Variants in ABLIM2 observed in about 807,000 individuals in gnomAD.
The protein encoded by ABLIM2 is actin-binding LIM protein 2.
A neutral mutation model predicts 97.7 loss-of-function variants in ABLIM2; 53 were observed. The observed-to-expected ratio is 0.54, with a 90% confidence interval of 0.44 to 0.68. The LOEUF is 0.68. ABLIM2 is among the 30% of genes least tolerant of loss of function. The pLI is 0.00. For missense variants in ABLIM2, 835 were observed against 867.2 expected (o/e 0.96, Z 0.47); for synonymous variants, 361 against 345.8 (o/e 1.04, Z -0.49).
At position 8,061,096 on chromosome 4, in the gene ABLIM2, G is replaced by A; in HGVS notation, c.676-42C>T. On this transcript the variant is annotated intron_variant, in intron 6 of 20. Transcript: ENST00000447017. This position sits in a 1 kb window ranked among gnomAD's most constrained non-coding sequence, Gnocchi z 4.5. ...AAGCAGAATGTTTCTACTAAAGCCA[G>A]AAAGGTCGGCTGGGTCCCAGCGCCC... The A allele has an allele frequency of 6.5e-7, 1 of 1,542,254 alleles. No homozygotes were observed. The highest frequency in any genetic ancestry group is 8.8e-7 in the Non-Finnish European group (1 of 1,138,242).
chr4:7,969,477 C>T (rs1725790298), intron 20 of ABLIM2, among the ~76,000 whole-genome samples: 1 of 152,036 alleles, frequency 6.6e-6, no homozygotes, highest in South Asian at 2.1e-4. Flanking sequence ...AAACAAAAAA[C>T]TCAAGTGCTA....
intron 17 of ABLIM2, among the ~76,000 whole-genome samples, chr4:7,990,269 T>A (rs1184050440): frequency 6.6e-6 from 1 of 152,156 alleles, no homozygotes; most frequent in Non-Finnish European, 1.5e-5. Context: ...GCATAATAGC[T>A]CACTGCAACC....
At chr4:8,098,177 C>G (rs1329986243) in intron 2 of ABLIM2, among the ~76,000 whole-genome samples, 2 of 152,170 alleles carry the variant, frequency 1.3e-5, no homozygotes, top group African/African-American at 4.8e-5. Flanking sequence ...GGCCCAGGCC[C>G]TCCCTGCTAG....
At chr4:8,136,907 T>C (rs530907834) in intron 1 of ABLIM2, among the ~76,000 whole-genome samples, 6 of 152,250 alleles carry the variant, frequency 3.9e-5, no homozygotes, top group South Asian at 4.1e-4. Context: ...CCCTCCAAAT[T>C]TGTGTGAGAA....
In ABLIM2 at chr4:8,120,908, G is replaced by A. The variant is rs998521112; in HGVS notation, c.11-14271C>T. 6.6e-6 allele frequency among the ~76,000 whole-genome samples: 1 copy of A among 152,232 alleles called. No individual in the cohort carries two copies. The highest frequency in any genetic ancestry group is 2.4e-5 in the African/African-American group (1 of 41,460). Reference sequence around the variant, plus strand: ...ACAATGTTGACCGTCTCACGTAAGAGTACTGTACCGCAGATTGCTAGCTCA... The same window carrying A: ...ACAATGTTGACCGTCTCACGTAAGAATACTGTACCGCAGATTGCTAGCTCA... On this transcript the variant is annotated intron_variant, in intron 1 of 20. Coordinates refer to ENST00000447017, the MANE Select transcript of ABLIM2 (RefSeq NM_001130083.2). The surrounding 1 kb of genome is among the most constrained non-coding windows in gnomAD (Gnocchi z 5.6).
intron 17 of ABLIM2, chr4:7,989,571 T>A (rs1420803004): frequency 4.7e-5 from 17 of 358,444 alleles, no homozygotes; most frequent in Non-Finnish European, 6.2e-5. Context: ...CCTTTTAATC[T>A]TAACTTTCAC....
chr4:8,033,442 G>A lies in ABLIM2; in HGVS notation c.1047+2707C>T, dbSNP rs1423526076. On this transcript the variant is annotated intron_variant, in intron 10 of 20. Coordinates refer to ENST00000447017, the MANE Select transcript of ABLIM2 (RefSeq NM_001130083.2). This position sits in a 1 kb window ranked among gnomAD's most constrained non-coding sequence, Gnocchi z 4.5. ...AGCTGAAGGCCATGGGTGGAATGAT[G>A]GAATCAAGGGAGAAACCCTCAGGCT... Among the ~76,000 whole-genome samples the A allele has an allele frequency of 6.6e-6, 1 of 152,216 alleles. No homozygotes were observed. The highest frequency in any genetic ancestry group is 6.5e-5 in the Admixed American group (1 of 15,288).
chr4:7,969,444 G>A (rs1472773104), intron 20 of ABLIM2, among the ~76,000 whole-genome samples: 1 of 152,112 alleles, frequency 6.6e-6, no homozygotes, highest in East Asian at 1.9e-4. Context: ...GACACAGTGA[G>A]ACCCTGTCTC....
chr4:8,056,112 CAAAAAAAAAA>C lies in ABLIM2; in HGVS notation c.764-1876_764-1867del, dbSNP rs60992903. ...TGGGTAACAGAGCAAGACTCTGTCTCAAAAAAAAAAAAAAAAAAAAAAAAAAAGTAACAGA... is the reference window on the plus strand; with the variant it reads ...TGGGTAACAGAGCAAGACTCTGTCTCAAAAAAAAAAAAAAAAAGTAACAGA... On this transcript the variant is annotated intron_variant, in intron 7 of 20. Transcript: ENST00000447017. Among the ~76,000 whole-genome samples the C allele has an allele frequency of 1.4e-3, 95 of 68,358 alleles. 1 individual carries two copies. The highest frequency in any genetic ancestry group is 8.8e-3 in the South Asian group (19 of 2,154). The allele number at this position is 68,358 out of a possible 152,430, so 44.8% of individuals were successfully genotyped here. A position where few individuals can be genotyped will look rare whatever the true frequency, so the allele number is the denominator to read the frequency against.
Position 8,044,691 on chromosome 4 carries a change from CGA to C in ABLIM2, c.900+471_900+472del, listed in dbSNP as rs113950245. 0.019 allele frequency among the ~76,000 whole-genome samples: 1,363 copies of C among 72,698 alleles called. 3 individuals are homozygous for C. The highest frequency in any genetic ancestry group is 0.033 in the African/African-American group (601 of 18,414). The allele number at this position is 72,698 out of a possible 152,430, so 47.7% of individuals were successfully genotyped here. A position where few individuals can be genotyped will look rare whatever the true frequency, so the allele number is the denominator to read the frequency against. On this transcript the variant is annotated intron_variant, in intron 9 of 20. Coordinates refer to ENST00000447017, the MANE Select transcript of ABLIM2 (RefSeq NM_001130083.2). This position sits in a 1 kb window ranked among gnomAD's most constrained non-coding sequence, Gnocchi z 4.4. ...AGAGTCTCTCTCTCTCTCTCTCTCT[CGA>C]ACGAACGAAAACGGGATCACATAAT...
rs547687095 is a variant in ABLIM2, at chr4:7,999,849, C to T, written c.1619-6922G>A. ...CATGAAGCCTGCCATAGCCACCTTG[C>T]CCTCAGCACCCCGCCAGGCCTGCTC... On this transcript the variant is annotated intron_variant, in intron 16 of 20. Coordinates refer to ENST00000447017, the MANE Select transcript of ABLIM2 (RefSeq NM_001130083.2). The surrounding 1 kb of genome is among the most constrained non-coding windows in gnomAD (Gnocchi z 4.4). Among the ~76,000 whole-genome samples the T allele has an allele frequency of 6.6e-6, 1 of 152,322 alleles. No homozygotes were observed. Among genetic ancestry groups the T allele is most frequent in the South Asian group, 2.1e-4 (1 of 4,832 alleles).
intron 4 of ABLIM2, among the ~76,000 whole-genome samples, chr4:8,081,327 C>A (rs1305071622): frequency 6.6e-6 from 1 of 152,222 alleles, no homozygotes; most frequent in Non-Finnish European, 1.5e-5. Flanking sequence ...CTCGTGGGAC[C>A]CTGCCTGGCC....
At chr4:8,089,765 C>T (rs1197278724) in intron 3 of ABLIM2, among the ~76,000 whole-genome samples, 2 of 143,740 alleles carry the variant, frequency 1.4e-5, no homozygotes, top group Non-Finnish European at 3.0e-5. Flanking sequence ...AGCCCCTGCT[C>T]AAACACCTTT....
chr4:8,025,359 C>T (rs573895739), intron 12 of ABLIM2, among the ~76,000 whole-genome samples: 19 of 151,986 alleles, frequency 1.3e-4, no homozygotes, highest in African/African-American at 4.1e-4. Context: ...CTCCTGGCCC[C>T]GGGAGATGCC....
At chr4:8,133,725 T>A (rs1849767354) in intron 1 of ABLIM2, among the ~76,000 whole-genome samples, 2 of 152,166 alleles carry the variant, frequency 1.3e-5, no homozygotes, top group African/African-American at 4.8e-5. Flanking sequence ...CGACAGCATC[T>A]CTGCAGGACA....
At chr4:8,006,876 C>T (rs1190071900) in intron 16 of ABLIM2, 7 of 352,166 alleles carry the variant, frequency 2.0e-5, no homozygotes, top group African/African-American at 1.5e-4. Flanking sequence ...GGGATTTTTG[C>T]AGGGGGGGGG....
At position 8,134,914 on chromosome 4, in the gene ABLIM2, C is replaced by T. The variant is rs74958270; in HGVS notation, c.10+23766G>A. Among the ~76,000 whole-genome samples the T allele has an allele frequency of 2.3e-3, 349 of 152,332 alleles. 1 individual carries two copies. Among genetic ancestry groups the T allele is most frequent in the African/African-American group, 7.8e-3 (326 of 41,568 alleles). On this transcript the variant is annotated intron_variant, in intron 1 of 20. Transcript: ENST00000447017. ...ACATACGTGTGAGAATTTTCATCTC[C>T]ACTAGGTGCACACAAGGTGTGCTAA...
intron 2 of ABLIM2, among the ~76,000 whole-genome samples, chr4:8,103,440 G>C (rs1835653790): frequency 6.6e-6 from 1 of 152,352 alleles, no homozygotes; most frequent in African/African-American, 2.4e-5. Context: ...CCCAGGAGAA[G>C]GGGTGGTCAC....
intron 20 of ABLIM2, among the ~76,000 whole-genome samples, chr4:7,972,112 T>C (rs1021107035): frequency 6.6e-6 from 1 of 152,180 alleles, no homozygotes; most frequent in East Asian, 1.9e-4. Context: ...ACTGTCATAA[T>C]GACGGTGGCC....
Sources: gnomAD v4.1 joint callset for allele counts (sites outside exome capture counted in the v4.1 genomes callset) on GRCh38, gnomAD v4.1.1 for gene constraint, Gnocchi (gnomAD v3.1) non-coding constraint, MANE v1.5 for transcripts, NCBI Gene and HGNC (gene_info 2026-07-23, HGNC 2026-07-21) for gene names.